The following SGCZ variants were observed in gnomAD, a reference collection of about 807,000 sequenced individuals.
SGCZ encodes the protein zeta-sarcoglycan.
SGCZ carries 40 observed loss-of-function variants against 41.3 expected under a neutral mutation model. The observed-to-expected ratio is 0.97, with a 90% CI of 0.75 to 1.26. The LOEUF (loss-of-function observed/expected upper bound fraction) is 1.26. Among genes scored for constraint, SGCZ ranks in the 50% most tolerant of loss-of-function variants. SGCZ has a pLI of 0.00. For missense variants in SGCZ, 552 were observed against 369.8 expected, an observed-to-expected ratio of 1.49 and a Z score of -4.04; for synonymous variants, 206 against 137.5, an observed-to-expected ratio of 1.50 and a Z score of -3.49.
intron 1 of SGCZ, among the ~76,000 whole-genome samples, chr8:14,770,352 A>G (rs1489009180): frequency 6.6e-6 from 1 of 151,568 alleles, no homozygotes; most frequent in Non-Finnish European, 1.5e-5. Context: ...TTCGTCAAGC[A>G]ATATTATTTT....
chr8:15,058,925 A>C lies in SGCZ; in HGVS notation c.39+178660T>G, dbSNP rs1804813463. Among the ~76,000 whole-genome samples the C allele has an allele frequency of 4.6e-5, 7 of 152,330 alleles. No homozygotes were observed. In the South Asian group the frequency reaches 1.4e-3, roughly 32 times the overall value. ...GTGGAAAAGGAAATTACAGATAATTAAAACCAGGTGTTTTTAAAAGAAATT... is the reference window on the plus strand; with the variant it reads ...GTGGAAAAGGAAATTACAGATAATTCAAACCAGGTGTTTTTAAAAGAAATT... On this transcript the variant is annotated intron_variant, in intron 1 of 7. Transcript: ENST00000382080.
At position 14,710,959 on chromosome 8, in the gene SGCZ, A is replaced by G. The variant is rs79797990; in HGVS notation, c.40-156033T>C. On this transcript the variant is annotated intron_variant, in intron 1 of 7. Transcript: ENST00000382080. ...AGTCACAATAACTTTAGAAGAAAGC[A>G]AGTAAGAGGAAGGACAAAGATATCT... 9.3e-3 allele frequency among the ~76,000 whole-genome samples: 1,410 copies of G among 152,316 alleles called. 19 individuals are homozygous for G. Among genetic ancestry groups the G allele is most frequent in the African/African-American group, 0.032 (1,335 of 41,564 alleles).
intron 3 of SGCZ, among the ~76,000 whole-genome samples, chr8:14,248,730 C>T (rs185311842): frequency 7.3e-6 from 1 of 137,184 alleles, no homozygotes; most frequent in Non-Finnish European, 1.5e-5. Flanking sequence ...ATGATAATTA[C>T]ATTTGTACTA....
At chr8:14,475,792 G>T (rs971521044) in intron 2 of SGCZ, among the ~76,000 whole-genome samples, 21 of 152,112 alleles carry the variant, frequency 1.4e-4, no homozygotes, top group Admixed American at 6.5e-4. Context: ...CAATATATTA[G>T]TTCAAATAGT....
At chr8:15,206,328 A>G (rs1801062313) in intron 1 of SGCZ, among the ~76,000 whole-genome samples, 1 of 152,134 alleles carries the variant, frequency 6.6e-6, no homozygotes, top group Admixed American at 6.5e-5. Flanking sequence ...GTTTCTAGGA[A>G]GGGCACCATC....
chr8:14,284,819 T>A (rs1473631698), intron 3 of SGCZ, among the ~76,000 whole-genome samples: 1 of 152,212 alleles, frequency 6.6e-6, no homozygotes, highest in Non-Finnish European at 1.5e-5. Flanking sequence ...TTTTCACTAA[T>A]AGAATATTCA....
At chr8:14,146,022 T>A (rs985144822) in intron 5 of SGCZ, among the ~76,000 whole-genome samples, 2 of 152,162 alleles carry the variant, frequency 1.3e-5, no homozygotes, top group Non-Finnish European at 2.9e-5. Context: ...GTAGAACATT[T>A]ATTCAAAAGG....
chr8:14,192,084 A>C (rs1805121919), intron 4 of SGCZ, among the ~76,000 whole-genome samples: 1 of 152,148 alleles, frequency 6.6e-6, no homozygotes, highest in African/African-American at 2.4e-5. Flanking sequence ...AATTGTATTT[A>C]AAATCAAAGC....
intron 1 of SGCZ, among the ~76,000 whole-genome samples, chr8:14,574,460 CAT>C (rs1804649521): frequency 6.6e-6 from 1 of 152,196 alleles, no homozygotes; most frequent in African/African-American, 2.4e-5. Context: ...TAAAGACCCT[CAT>C]TCCAGAGGGA....
chr8:14,518,406 G>T (rs970311553), intron 2 of SGCZ, among the ~76,000 whole-genome samples: 1 of 151,906 alleles, frequency 6.6e-6, no homozygotes, highest in South Asian at 2.1e-4. Context: ...ATAAATATCG[G>T]CCTATTTTCA....
chr8:14,212,177 G>A (rs1401283852), intron 4 of SGCZ, among the ~76,000 whole-genome samples: 1 of 151,962 alleles, frequency 6.6e-6, no homozygotes, highest in Non-Finnish European at 1.5e-5. Context: ...AGCATTCCTA[G>A]GATCTTTCAC....
intron 1 of SGCZ, among the ~76,000 whole-genome samples, chr8:15,076,720 G>C (rs577613252): frequency 7.3e-5 from 11 of 150,284 alleles, no homozygotes; most frequent in Non-Finnish European, 1.3e-4. Context: ...GAAAGTACTT[G>C]AGTACACTCA....
At chr8:14,955,344 A>T (rs1402866238) in intron 1 of SGCZ, among the ~76,000 whole-genome samples, 1 of 152,178 alleles carries the variant, frequency 6.6e-6, no homozygotes, top group African/African-American at 2.4e-5. Context: ...GTCCTTCCAA[A>T]CACGACTGGA....
chr8:14,312,980 A>G (rs1236882619), intron 3 of SGCZ, among the ~76,000 whole-genome samples: 2 of 152,124 alleles, frequency 1.3e-5, no homozygotes, highest in Non-Finnish European at 1.5e-5. Context: ...TCCTTTCACT[A>G]TTGTAGGAAT....
Position 14,164,926 on chromosome 8 carries a change from G to A in SGCZ, c.425-224C>T, listed in dbSNP as rs967265682. 1.9e-5 allele frequency: 9 copies of A among 472,202 alleles called. No homozygotes were observed. In the Admixed American group the frequency reaches 2.9e-4, roughly 15 times the overall value. The allele number at this position is 472,202 out of a possible 1,614,324, so 29.3% of individuals were successfully genotyped here. ...TTAGGCATACAGGTGACCTCTGGATGTCTGACATAGCATGTGAGTTTAGCC... is the reference window on the plus strand; with the variant it reads ...TTAGGCATACAGGTGACCTCTGGATATCTGACATAGCATGTGAGTTTAGCC... On this transcript the variant is annotated intron_variant, in intron 4 of 7. Transcript: ENST00000382080.
rs145031313 is a variant in SGCZ at position 14,925,348 on chromosome 8, A to G, written c.39+312237T>C. Among the ~76,000 whole-genome samples the G allele has an allele frequency of 2.7e-3, 407 of 152,320 alleles. 1 individual carries two copies. Among genetic ancestry groups the G allele is most frequent in the African/African-American group, 9.3e-3 (387 of 41,568 alleles). On this transcript the variant is annotated intron_variant, in intron 1 of 7. Coordinates refer to ENST00000382080, the MANE Select transcript of SGCZ (RefSeq NM_139167.4). ...TTTATTAATATGTTAATTTCTTAAT[A>G]TTTTATTGCATTGTACTCACAGCAT... is the stretch of plus-strand genomic sequence containing the variant.
intron 2 of SGCZ, among the ~76,000 whole-genome samples, chr8:14,371,920 C>T (rs62497839): frequency 2.6e-5 from 4 of 151,806 alleles, no homozygotes; most frequent in Non-Finnish European, 4.4e-5. Context: ...TCAATATAGG[C>T]TGGAATAAAC....
chr8:14,193,261 T>G (rs1446624381), intron 4 of SGCZ, among the ~76,000 whole-genome samples: 1 of 151,958 alleles, frequency 6.6e-6, no homozygotes, highest in African/African-American at 2.4e-5. Flanking sequence ...TTATTTGTGA[T>G]ATATTTTTTT....
At chr8:14,806,997 T>C (rs60621043) in intron 1 of SGCZ, among the ~76,000 whole-genome samples, 2 of 151,706 alleles carry the variant, frequency 1.3e-5, no homozygotes, top group Non-Finnish European at 2.9e-5. Flanking sequence ...ATTATCTCAA[T>C]AGATGCAGAA....
Sources: allele counts gnomAD v4.1 joint callset (sites outside exome capture counted in the v4.1 genomes callset), GRCh38; gene constraint gnomAD v4.1.1; transcripts MANE v1.5; gene names NCBI Gene and HGNC (gene_info 2026-07-23, HGNC 2026-07-21).